Variants in KIF1B observed in about 807,000 individuals in gnomAD.
The protein encoded by KIF1B is kinesin family member 1B.
A neutral mutation model predicts 241.9 loss-of-function variants in KIF1B; 76 were observed. The ratio of observed to expected loss-of-function variants is 0.31; its 90% confidence interval spans 0.26 to 0.38. KIF1B has a LOEUF of 0.38. Among genes scored for constraint, KIF1B ranks in the 10% least tolerant of loss-of-function variants. The pLI is 1.00. For synonymous variants in KIF1B, 750 were observed against 796.7 expected (o/e 0.94, Z 0.99); for missense variants, 1,622 against 2,271.4 (o/e 0.71, Z 5.81).
intron 45 of KIF1B, among the ~76,000 whole-genome samples, chr1:10,373,805 A>G (rs1206279586): frequency 3.9e-5 from 6 of 152,150 alleles, no homozygotes; most frequent in African/African-American, 7.2e-5. Context: ...CTGAGACTTC[A>G]GTGTACATCA....
At chr1:10,325,893 T>C (rs1407611021) in intron 26 of KIF1B, among the ~76,000 whole-genome samples, 1 of 152,232 alleles carries the variant, frequency 6.6e-6, no homozygotes, top group African/African-American at 2.4e-5. Context: ...GCTTTTCTTA[T>C]TCTAAGGATT....
At chr1:10,348,419 GAA>G (rs1470341668) in intron 36 of KIF1B, among the ~76,000 whole-genome samples, 2 of 152,114 alleles carry the variant, frequency 1.3e-5, no homozygotes, top group African/African-American at 4.8e-5. Flanking sequence ...AAACCATAGA[GAA>G]AAAGAATTTT....
chr1:10,367,488 G>A (rs980497627), intron 43 of KIF1B, among the ~76,000 whole-genome samples: 4 of 151,816 alleles, frequency 2.6e-5, no homozygotes, highest in Non-Finnish European at 5.9e-5. Flanking sequence ...CGGATTGTGA[G>A]GTCAAGAGAT....
intron 1 of KIF1B, among the ~76,000 whole-genome samples, chr1:10,227,061 A>G (rs1472212028): frequency 7.9e-6 from 1 of 126,772 alleles, no homozygotes. Context: ...TTTTGAGATG[A>G]AGTCTCGCTC....
chr1:10,313,620 G>A (rs1316435581), intron 22 of KIF1B, among the ~76,000 whole-genome samples: 2 of 140,282 alleles, frequency 1.4e-5, no homozygotes, highest in East Asian at 2.1e-4. Flanking sequence ...GCGCAATCTC[G>A]GCTCACTGCA....
intron 22 of KIF1B, chr1:10,305,234 C>G (rs1317606492): frequency 1.9e-6 from 2 of 1,043,914 alleles, no homozygotes; most frequent in African/African-American, 3.3e-5. Context: ...TTTGCATCTT[C>G]CACACAACTT....
At chr1:10,226,048 A>T (rs912014075) in intron 1 of KIF1B, among the ~76,000 whole-genome samples, 1 of 152,146 alleles carries the variant, frequency 6.6e-6, no homozygotes, top group African/African-American at 2.4e-5. Flanking sequence ...TGTAGTATGG[A>T]TAGGGTAGGA....
chr1:10,284,735 ATC>A (rs1649604149), intron 15 of KIF1B, among the ~76,000 whole-genome samples: 1 of 151,794 alleles, frequency 6.6e-6, no homozygotes, highest in Admixed American at 6.6e-5. Context: ...GGTGACGTGC[ATC>A]TATAGTCCCA....
intron 38 of KIF1B, among the ~76,000 whole-genome samples, chr1:10,357,437 C>T (rs1000630647): frequency 1.3e-5 from 2 of 152,162 alleles, no homozygotes; most frequent in South Asian, 2.1e-4. Flanking sequence ...GTATTTCTTA[C>T]AACCACCTCT....
chr1:10,253,375 T>C (rs1467521512), intron 2 of KIF1B, among the ~76,000 whole-genome samples: 1 of 152,144 alleles, frequency 6.6e-6, no homozygotes, highest in East Asian at 1.9e-4. Flanking sequence ...GTGTGGTGGC[T>C]CACACCTGTA....
chr1:10,246,370 C>G (rs982096033), intron 2 of KIF1B, among the ~76,000 whole-genome samples: 1 of 152,182 alleles, frequency 6.6e-6, no homozygotes, highest in Non-Finnish European at 1.5e-5. Context: ...CATTTCTACT[C>G]TAGTCAAGAT....
At chr1:10,286,865 AG>A (rs1649740328) in intron 15 of KIF1B, among the ~76,000 whole-genome samples, 1 of 151,224 alleles carries the variant, frequency 6.6e-6, no homozygotes, top group East Asian at 1.9e-4. Context: ...AAAGAAAGGG[AG>A]GAGGATTAAA....
At chr1:10,229,891 AAAAAG>A (rs1557650972) in intron 1 of KIF1B, among the ~76,000 whole-genome samples, 1 of 149,964 alleles carries the variant, frequency 6.7e-6, no homozygotes, top group Non-Finnish European at 1.5e-5. Context: ...AAAAAAAAAA[AAAAAG>A]AAAAGAAAAT....
chr1:10,245,070 C>A, intron 2 of KIF1B, among the ~76,000 whole-genome samples: 1 of 152,104 alleles, frequency 6.6e-6, no homozygotes, highest in East Asian at 1.9e-4. Context: ...TAGTTGCAGG[C>A]AAAATCTTTA....
intron 17 of KIF1B, chr1:10,292,325 C>G (rs1650039588): frequency 3.6e-6 from 2 of 560,218 alleles, no homozygotes; most frequent in Non-Finnish European, 6.4e-6. Flanking sequence ...ATCTTGTTTA[C>G]TGTTTACAAA....
chr1:10,245,306 C>G (rs562925573), intron 2 of KIF1B, among the ~76,000 whole-genome samples: 2 of 152,284 alleles, frequency 1.3e-5, no homozygotes, highest in South Asian at 4.1e-4. Flanking sequence ...TGTCTTAAGT[C>G]TTAACTTGAA....
intron 2 of KIF1B, among the ~76,000 whole-genome samples, chr1:10,253,520 G>A (rs892433128): frequency 2.6e-5 from 4 of 152,112 alleles, no homozygotes; most frequent in African/African-American, 4.8e-5. Context: ...GCATGAACCT[G>A]TGGTCCCATC....
At chr1:10,324,128 C>A (rs2102299187) in intron 25 of KIF1B, 66 bp downstream of exon 25, 8 of 1,175,126 alleles carry the variant, frequency 6.8e-6, no homozygotes, top group Non-Finnish European at 8.8e-6. Context: ...CTCAAGTGAG[C>A]TCCCTCCAGC....
At chr1:10,219,234 G>A (rs1227085557) in intron 1 of KIF1B, among the ~76,000 whole-genome samples, 1 of 151,732 alleles carries the variant, frequency 6.6e-6, no homozygotes, top group Non-Finnish European at 1.5e-5. Flanking sequence ...GGCCGAGGCT[G>A]GTGCATCACT....
Sources: allele counts gnomAD v4.1 joint callset (sites outside exome capture counted in the v4.1 genomes callset), GRCh38; gene constraint gnomAD v4.1.1; transcripts MANE v1.5; gene names NCBI Gene and HGNC (gene_info 2026-07-23, HGNC 2026-07-21).